The following NFKB2 variants were observed in gnomAD, a reference collection of about 807,000 sequenced individuals.
NFKB2 encodes the protein nuclear factor NF-kappa-B p100 subunit.
NFKB2 carries 21 observed loss-of-function variants against 109.3 expected under a neutral mutation model. The ratio of observed to expected loss-of-function variants is 0.19; its 90% CI spans 0.14 to 0.28. The LOEUF is 0.28. NFKB2 is among the 10% of genes least tolerant of loss of function. NFKB2 has a pLI of 1.00. For missense variants in NFKB2, 806 were observed against 1,185.3 expected (o/e 0.68, Z 4.70); for synonymous variants, 478 against 489.9 (o/e 0.98, Z 0.32).
chr10:102,397,635 CCTT>C lies in NFKB2; in HGVS notation c.614_616del (p.Phe205del). The C allele has an allele frequency of 6.2e-7, 1 of 1,613,736 alleles. No homozygotes were observed. Among genetic ancestry groups the C allele is most frequent in the Non-Finnish European group, 8.5e-7 (1 of 1,179,668 alleles). ...GCCTTCCTTAGAGCCAGTGATGGCT[CCTT>C]CTCCCTGCCCCTGAAGCCAGTCATC... On this transcript the variant is annotated inframe_deletion, in exon 8 of 23. Transcript: ENST00000661543. The surrounding 1 kb of genome is among the most constrained non-coding windows in gnomAD (Gnocchi z 4.7).
At position 102,401,653 on chromosome 10, in the gene NFKB2, C is replaced by G. The variant is rs938547528; in HGVS notation, c.2294-92C>G. 2 of 1,530,074 alleles carry G rather than the reference C, an allele frequency of 1.3e-6. No individual in the cohort carries two copies. The highest frequency in any genetic ancestry group is 3.8e-5 in the Admixed American group (2 of 52,630). 94.8% of individuals were successfully genotyped at this position (1,530,074 alleles called of 1,614,324 possible). ...CATCACCCCTCATGGTCCTGTCTGT[C>G]GCTTACCTTGGGAGAAAGGCAGTGT... On this transcript the variant is annotated intron_variant, in intron 20 of 22. Transcript: ENST00000661543. This position sits in a 1 kb window ranked among gnomAD's most constrained non-coding sequence, Gnocchi z 4.2.
At position 102,398,028 on chromosome 10, in the gene NFKB2, G is replaced by A. The variant is rs777519001; in HGVS notation, c.709G>A (p.Ala237Thr). ...GAAGATTTCTCGAATGGACAAGACA[G>A]CAGGCTCTGTGCGGGGTGGAGATGA... ...NLKISRMDKTAGSVRGGDEVY... is the reference protein window; with the variant it reads ...NLKISRMDKTTGSVRGGDEVY... Residue 237 changes from alanine to threonine, a missense_variant, in exon 9 of 23, where the codon GCA becomes ACA. Coordinates refer to ENST00000661543, the MANE Select transcript of NFKB2 (RefSeq NM_001322934.2). The surrounding 1 kb of genome is among the most constrained non-coding windows in gnomAD (Gnocchi z 6.6). 1.2e-6 allele frequency: 2 copies of A among 1,614,190 alleles called. No individual in the cohort carries two copies. Among genetic ancestry groups the A allele is most frequent in the South Asian group, 1.1e-5 (1 of 91,088 alleles).
chr10:102,401,508 C>T lies in NFKB2; in HGVS notation c.2283C>T (p.Pro761=). 1 of 1,613,130 alleles carries T rather than the reference C, an allele frequency of 6.2e-7. No individual in the cohort carries two copies. Among genetic ancestry groups the T allele is most frequent in the South Asian group, 1.1e-5 (1 of 91,070 alleles). ...QNTMEPPLTP[P]SPAGPGLSLG... is the part of the protein sequence containing the mutation. ...CCATGGAGCCACCCCTGACCCCGCC[C>T]AGCCCAGCAGGTGAGAAGCATCAGG... The change falls in exon 20 of 23, where the codon CCC becomes CCT. Residue 761 remains proline, a synonymous_variant. Transcript: ENST00000661543. The surrounding 1 kb of genome is among the most constrained non-coding windows in gnomAD (Gnocchi z 4.2).
Position 102,396,324 on chromosome 10 carries a change from CCCAGAAACAGGTCAG to C in NFKB2, c.95_103+6del. Reference sequence around the variant, plus strand: ...CCATTGTGGAACCCAAGGAGCCAGCCCCAGAAACAGGTCAGCAAGTTCACTAACCTCCCCTAGTCC... The same window carrying C: ...CCATTGTGGAACCCAAGGAGCCAGCCCAAGTTCACTAACCTCCCCTAGTCC... On this transcript the variant is annotated splice_donor_variant and splice_donor_5th_base_variant and coding_sequence_variant and intron_variant, in exon 3 of 23. Coordinates refer to ENST00000661543, the MANE Select transcript of NFKB2 (RefSeq NM_001322934.2). LOFTEE classifies it high-confidence loss of function. This position sits in a 1 kb window ranked among gnomAD's most constrained non-coding sequence, Gnocchi z 5.9. The C allele has an allele frequency of 6.2e-7, 1 of 1,613,460 alleles. No homozygotes were observed. The highest frequency in any genetic ancestry group is 8.5e-7 in the Non-Finnish European group (1 of 1,179,500).
Position 102,401,667 on chromosome 10 carries a change from G to T in NFKB2, c.2294-78G>T, listed in dbSNP as rs1186513930. 7 of 1,541,668 alleles carry T rather than the reference G, an allele frequency of 4.5e-6. No individual in the cohort carries two copies. The highest frequency in any genetic ancestry group is 1.4e-5 in the African/African-American group (1 of 73,220). Reference sequence around the variant, plus strand: ...GTCCTGTCTGTCGCTTACCTTGGGAGAAAGGCAGTGTTCAGGTGTCCATGT... The same window carrying T: ...GTCCTGTCTGTCGCTTACCTTGGGATAAAGGCAGTGTTCAGGTGTCCATGT... On this transcript the variant is annotated intron_variant, in intron 20 of 22. Transcript: ENST00000661543. The surrounding 1 kb of genome is among the most constrained non-coding windows in gnomAD (Gnocchi z 4.2).
At position 102,401,440 on chromosome 10, in the gene NFKB2, T is replaced by A; in HGVS notation, c.2224-9T>A. The A allele has an allele frequency of 6.2e-7, 1 of 1,613,728 alleles. No individual in the cohort carries two copies. On this transcript the variant is annotated splice_polypyrimidine_tract_variant and intron_variant, in intron 19 of 22. Coordinates refer to ENST00000661543, the MANE Select transcript of NFKB2 (RefSeq NM_001322934.2). The surrounding 1 kb of genome is among the most constrained non-coding windows in gnomAD (Gnocchi z 4.2). Reference sequence around the variant, plus strand: ...TGGGAGGTAGTCAGAACTGCGGCTGTCTCCCCAGGTGAAGACCTTGCTGCT... The same window carrying A: ...TGGGAGGTAGTCAGAACTGCGGCTGACTCCCCAGGTGAAGACCTTGCTGCT...
At position 102,402,402 on chromosome 10, in the gene NFKB2, C is replaced by T. The variant is rs1565215533; in HGVS notation, c.*26C>T. 2 of 1,394,752 alleles carry T rather than the reference C, an allele frequency of 1.4e-6. No individual in the cohort carries two copies. The highest frequency in any genetic ancestry group is 1.4e-5 in the South Asian group (1 of 73,200). The allele number at this position is 1,394,752 out of a possible 1,614,324, so 86.4% of individuals were successfully genotyped here. A position where few individuals can be genotyped will look rare whatever the true frequency, so the allele number is the denominator to read the frequency against. On this transcript the variant is annotated 3_prime_UTR_variant, in exon 23 of 23. Coordinates refer to ENST00000661543, the MANE Select transcript of NFKB2 (RefSeq NM_001322934.2). ...CCTGCTGCCTGCCCCCAGCCCCCTT[C>T]CCGGACCCCCTGTACAGCGTCCCCA... is the stretch of plus-strand genomic sequence containing the variant.
chr10:102,396,110 T>C lies in NFKB2; in HGVS notation c.21+130T>C. The C allele has an allele frequency of 2.0e-6, 3 of 1,463,596 alleles. No individual in the cohort carries two copies. In the South Asian group the frequency reaches 3.4e-5, roughly 17 times the overall value. The allele number at this position is 1,463,596 out of a possible 1,614,324, so 90.7% of individuals were successfully genotyped here. A position where few individuals can be genotyped will look rare whatever the true frequency, so the allele number is the denominator to read the frequency against. ...CTCTCAGCCTGCCAGTCTGTCCATC[T>C]GTCTGCAACTCTGCCTCCAAAAGGA... On this transcript the variant is annotated intron_variant, in intron 2 of 22. Transcript: ENST00000661543. This position sits in a 1 kb window ranked among gnomAD's most constrained non-coding sequence, Gnocchi z 5.9.
Position 102,398,799 on chromosome 10 carries a change from G to C in NFKB2, c.1052G>C (p.Gly351Ala). Residue 351 changes from glycine (G) to alanine (A), a missense_variant, in exon 12 of 23, where the codon GGG becomes GCG. By Grantham distance (60) the Gly-to-Ala change is moderately conservative. This residue lies in a region of NFKB2 where 209 missense variants were observed against 211.9 expected (regional missense o/e 0.99). Coordinates refer to ENST00000661543, the MANE Select transcript of NFKB2 (RefSeq NM_001322934.2). The surrounding 1 kb of genome is among the most constrained non-coding windows in gnomAD (Gnocchi z 6.6). ...KALPTFSQPF[G>A]GGSHMGGGSG... ...TTGCCCACCTTCTCCCAGCCCTTCG[G>C]GGGTGGCTCCCACATGGGTGGAGGC... The C allele has an allele frequency of 6.2e-7, 1 of 1,611,758 alleles. No individual in the cohort carries two copies.
chr10:102,397,244 A>G lies in NFKB2; in HGVS notation c.396-58A>G. Reference sequence around the variant, plus strand: ...GCTGAGCTGAGCCCTGGCAATGGGAAAGGTGCCTCAGGAAGAAAGAACTGC... The same window carrying G: ...GCTGAGCTGAGCCCTGGCAATGGGAGAGGTGCCTCAGGAAGAAAGAACTGC... On this transcript the variant is annotated intron_variant, in intron 6 of 22. Coordinates refer to ENST00000661543, the MANE Select transcript of NFKB2 (RefSeq NM_001322934.2). The surrounding 1 kb of genome is among the most constrained non-coding windows in gnomAD (Gnocchi z 4.7). The G allele has an allele frequency of 6.3e-7, 1 of 1,575,614 alleles. No individual in the cohort carries two copies. Among genetic ancestry groups the G allele is most frequent in the Non-Finnish European group, 8.7e-7 (1 of 1,147,226 alleles).
rs2061282311 is a variant in NFKB2 at position 102,402,367 on chromosome 10, G to A, written c.2694G>A (p.Gln898=). 1 of 1,548,240 alleles carries A rather than the reference G, an allele frequency of 6.5e-7. No individual in the cohort carries two copies. Among genetic ancestry groups the A allele is most frequent in the Non-Finnish European group, 8.7e-7 (1 of 1,148,562 alleles). The change falls in exon 23 of 23, where the codon CAG becomes CAA. Residue 898 remains glutamine, a synonymous_variant. Coordinates refer to ENST00000661543, the MANE Select transcript of NFKB2 (RefSeq NM_001322934.2). The part of the protein sequence containing the change: ...GGLCHGHPQP[Q]VH ...TCTGCCACGGGCACCCCCAGCCTCA[G>A]GTGCACTGACCTGCTGCCTGCCCCC... is the stretch of plus-strand genomic sequence containing the variant.
chr10:102,397,184 A>G lies in NFKB2; in HGVS notation c.396-118A>G, dbSNP rs2061130563. The G allele has an allele frequency of 6.5e-7, 1 of 1,530,964 alleles. No homozygotes were observed. The highest frequency in any genetic ancestry group is 8.9e-7 in the Non-Finnish European group (1 of 1,120,682). The allele number at this position is 1,530,964 out of a possible 1,614,324, so 94.8% of individuals were successfully genotyped here. ...GGTTGGCCCCAAACCCAAGGGCCTA[A>G]GTAGAAACTCCAATGGCTTCCTTGA... On this transcript the variant is annotated intron_variant, in intron 6 of 22. Transcript: ENST00000661543. This position sits in a 1 kb window ranked among gnomAD's most constrained non-coding sequence, Gnocchi z 4.7.
Position 102,402,378 on chromosome 10 carries a change from C to T in NFKB2, c.*2C>T. 1 of 1,523,064 alleles carries T rather than the reference C, an allele frequency of 6.6e-7. No homozygotes were observed. Among genetic ancestry groups the T allele is most frequent in the Non-Finnish European group, 8.8e-7 (1 of 1,133,806 alleles). 94.3% of individuals were successfully genotyped at this position (1,523,064 alleles called of 1,614,324 possible). A position where few individuals can be genotyped will look rare whatever the true frequency, so the allele number is the denominator to read the frequency against. On this transcript the variant is annotated 3_prime_UTR_variant, in exon 23 of 23. Coordinates refer to ENST00000661543, the MANE Select transcript of NFKB2 (RefSeq NM_001322934.2). ...CACCCCCAGCCTCAGGTGCACTGAC[C>T]TGCTGCCTGCCCCCAGCCCCCTTCC...
chr10:102,395,627 C>A (rs1175905714), upstream of NFKB2: 2 of 473,888 alleles, frequency 4.2e-6, no homozygotes, highest in Non-Finnish European at 3.8e-6. Flanking sequence ...GAGGGCGGGG[C>A]CAGTGGCGTC....
In NFKB2 at chr10:102,402,211, G is replaced by A. The variant is rs536545763; in HGVS notation, c.2579-41G>A. On this transcript the variant is annotated intron_variant, in intron 22 of 22. Transcript: ENST00000661543. Reference sequence around the variant, plus strand: ...TCTGGACCTGGAGGGCCGGAGGCCTGAGGCTTTGACTATCCCATTCCTGTC... The same window carrying A: ...TCTGGACCTGGAGGGCCGGAGGCCTAAGGCTTTGACTATCCCATTCCTGTC... 52 of 1,551,742 alleles carry A rather than the reference G, an allele frequency of 3.4e-5. 1 individual carries two copies. The South Asian group carries it at 4.0e-4, about 12-fold the overall frequency.
At chr10:102,394,347 G>C (rs1358646554), upstream of NFKB2, 1 of 152,286 alleles carries the variant, frequency 6.6e-6, no homozygotes, top group African/African-American at 2.4e-5. Flanking sequence ...CCCGCTCCCC[G>C]CCCTGAGTGA....
intron 12 of NFKB2, 185 bp downstream of exon 12, chr10:102,399,049 C>T (rs1167522204): frequency 6.7e-6 from 5 of 750,920 alleles, no homozygotes; most frequent in African/African-American, 3.5e-5. Context: ...CTCGTCTCTA[C>T]TAAAAATACA....
upstream of NFKB2, among the ~76,000 whole-genome samples, chr10:102,395,101 T>TGGGGGGGG (rs11306069): frequency 9.7e-5 from 2 of 20,614 alleles, no homozygotes; most frequent in Middle Eastern, 0.038. Flanking sequence ...TTGTATTAGG[T>TGGGGGGGG]GGGGGGGGGG....
In NFKB2 at chr10:102,401,605, C is replaced by G; in HGVS notation, c.2293+87C>G. On this transcript the variant is annotated intron_variant, in intron 20 of 22. Coordinates refer to ENST00000661543, the MANE Select transcript of NFKB2 (RefSeq NM_001322934.2). This position sits in a 1 kb window ranked among gnomAD's most constrained non-coding sequence, Gnocchi z 4.2. ...TTCAGGACCTCTGAAGGAGGCCTCC[C>G]TTTCTCTACCCTCAGCCCCGTCCAT... The G allele has an allele frequency of 6.5e-7, 1 of 1,544,972 alleles. No individual in the cohort carries two copies. The highest frequency in any genetic ancestry group is 8.8e-7 in the Non-Finnish European group (1 of 1,130,762).
Sources: allele counts gnomAD v4.1 joint callset (sites outside exome capture counted in the v4.1 genomes callset), GRCh38; gene constraint gnomAD v4.1.1; regional missense constraint gnomAD v4.1.1; non-coding constraint Gnocchi (gnomAD v3.1); transcripts MANE v1.5; gene names NCBI Gene and HGNC (gene_info 2026-07-23, HGNC 2026-07-21).